Variants in PRIM2 observed in about 807,000 individuals in gnomAD.
PRIM2 encodes DNA primase subunit 2.
PRIM2 carries 39 observed loss-of-function variants against 67.3 expected under a neutral mutation model. That is an observed-to-expected ratio of 0.58 (90% CI 0.45 to 0.76). PRIM2 has a LOEUF of 0.76. Ranked by LOEUF, PRIM2 falls within the 30% of genes least tolerant of loss-of-function variation. The pLI, the probability that PRIM2 is intolerant of heterozygous loss-of-function variation, is 0.00. For synonymous variants in PRIM2, 143 were observed against 198.7 expected (o/e 0.72, Z 2.36); for missense variants, 398 against 598.7 (o/e 0.66, Z 3.50).
At chr6:57,411,891 CA>C in intron 7 of PRIM2, among the ~76,000 whole-genome samples, 1 of 151,630 alleles carries the variant, frequency 6.6e-6, no homozygotes, top group Admixed American at 6.6e-5. Flanking sequence ...ATAAATAATA[CA>C]ATTTAATAAT....
chr6:57,338,714 A>C (rs1242265002), intron 5 of PRIM2, among the ~76,000 whole-genome samples: 3 of 141,400 alleles, frequency 2.1e-5, no homozygotes, highest in Admixed American at 1.4e-4. Context: ...TCAAAATAAT[A>C]AGAGCTATCT....
At chr6:57,338,491 A>G (rs962451860) in intron 5 of PRIM2, among the ~76,000 whole-genome samples, 2 of 150,594 alleles carry the variant, frequency 1.3e-5, no homozygotes, top group African/African-American at 2.5e-5. Context: ...CCAGCAGCAC[A>G]TCAAAAAGCT....
chr6:57,517,199 G>A (rs1403564659), intron 8 of PRIM2, among the ~76,000 whole-genome samples: 1 of 151,910 alleles, frequency 6.6e-6, no homozygotes, highest in Non-Finnish European at 1.5e-5. Flanking sequence ...TCACTCATTG[G>A]GTTTCTTTAA....
chr6:57,285,118 G>A, the PRIM2 span, among the ~76,000 whole-genome samples: 1 of 152,190 alleles, frequency 6.6e-6, no homozygotes, highest in Non-Finnish European at 1.5e-5. Context: ...TTCTGAAATT[G>A]AGGCAGCAAC....
At chr6:57,386,246 G>GCAACAA (rs922780706) in intron 7 of PRIM2, among the ~76,000 whole-genome samples, 1 of 141,982 alleles carries the variant, frequency 7.0e-6, no homozygotes, top group African/African-American at 2.5e-5. Flanking sequence ...AACAACAACA[G>GCAACAA]CAACAACAAC....
chr6:57,223,913 G>C, the PRIM2 span, among the ~76,000 whole-genome samples: 1 of 152,018 alleles, frequency 6.6e-6, no homozygotes, highest in African/African-American at 2.4e-5. Context: ...AAAATTGTAT[G>C]GTTCATCAGA....
At chr6:57,583,628 A>G (rs1421606599) in intron 10 of PRIM2, among the ~76,000 whole-genome samples, 11 of 151,804 alleles carry the variant, frequency 7.2e-5, no homozygotes, top group African/African-American at 2.2e-4. Flanking sequence ...TAATGCCGCA[A>G]TAAACATACG....
intron 7 of PRIM2, among the ~76,000 whole-genome samples, chr6:57,465,798 AT>A (rs953367377): frequency 4.0e-5 from 6 of 150,492 alleles, no homozygotes; most frequent in South Asian, 2.1e-4. Flanking sequence ...GCTTTCTATC[AT>A]TTTTTTTTCT....
At chr6:57,593,701 G>A (rs1449688486) in intron 10 of PRIM2, among the ~76,000 whole-genome samples, 1 of 152,222 alleles carries the variant, frequency 6.6e-6, no homozygotes, top group African/African-American at 2.4e-5. Flanking sequence ...TACAGTCTCT[G>A]TACAATATTT....
At chr6:57,274,405 G>A in the PRIM2 span, among the ~76,000 whole-genome samples, 168 of 152,334 alleles carry the variant, frequency 1.1e-3, no homozygotes, top group African/African-American at 3.8e-3. Context: ...GCAAGACTCC[G>A]TGGGCATAGG....
intron 7 of PRIM2, among the ~76,000 whole-genome samples, chr6:57,416,261 C>T (rs1433967689): frequency 1.3e-5 from 2 of 152,182 alleles, no homozygotes; most frequent in Admixed American, 6.5e-5. Context: ...CAGAGCTCTT[C>T]AGTGACCAGG....
At chr6:57,406,346 C>T (rs1770891277) in intron 7 of PRIM2, among the ~76,000 whole-genome samples, 1 of 152,206 alleles carries the variant, frequency 6.6e-6, no homozygotes, top group Non-Finnish European at 1.5e-5. Flanking sequence ...TCAATTTTCA[C>T]TGCTTGTCTG....
intron 7 of PRIM2, among the ~76,000 whole-genome samples, chr6:57,502,510 A>C (rs1269460523): frequency 1.3e-5 from 2 of 152,166 alleles, no homozygotes; most frequent in African/African-American, 4.8e-5. Flanking sequence ...CGATTTTTTT[A>C]CACGTGACTC....
At chr6:57,357,884 G>A (rs1315139105) in intron 5 of PRIM2, among the ~76,000 whole-genome samples, 5 of 152,002 alleles carry the variant, frequency 3.3e-5, no homozygotes, top group African/African-American at 1.2e-4. Context: ...ATGAGCCACC[G>A]CACCCGGCTT....
intron 10 of PRIM2, among the ~76,000 whole-genome samples, chr6:57,600,783 C>T (rs1197100516): frequency 5.3e-5 from 8 of 152,132 alleles, no homozygotes; most frequent in African/African-American, 1.4e-4. Flanking sequence ...TGGAATCAAA[C>T]GAAGAAGGGC....
At chr6:57,233,243 AT>A in the PRIM2 span, among the ~76,000 whole-genome samples, 1 of 152,150 alleles carries the variant, frequency 6.6e-6, no homozygotes, top group African/African-American at 2.4e-5. Context: ...AATGTCAAGT[AT>A]TTTATGTTGC....
At chr6:57,331,239 A>G (rs1768050725) in intron 5 of PRIM2, among the ~76,000 whole-genome samples, 1 of 151,942 alleles carries the variant, frequency 6.6e-6, no homozygotes, top group East Asian at 1.9e-4. Flanking sequence ...TGGATGTTAC[A>G]CCAACCTTGC....
chr6:57,253,543 C>T, the PRIM2 span, among the ~76,000 whole-genome samples: 16 of 151,752 alleles, frequency 1.1e-4, no homozygotes, highest in Non-Finnish European at 1.6e-4. Context: ...GAGGGCTGCT[C>T]CCACCCTTCA....
At chr6:57,543,577 T>G (rs1167481890) in intron 10 of PRIM2, among the ~76,000 whole-genome samples, 1 of 152,192 alleles carries the variant, frequency 6.6e-6, no homozygotes, top group Non-Finnish European at 1.5e-5. Context: ...GTATAATATC[T>G]CCAGCAATTT....
Sources: gnomAD v4.1 joint callset for allele counts (sites outside exome capture counted in the v4.1 genomes callset) on GRCh38, gnomAD v4.1.1 for gene constraint, MANE v1.5 for transcripts, NCBI Gene and HGNC (gene_info 2026-07-23, HGNC 2026-07-21) for gene names.